The following ETV6 variants were observed in gnomAD, a reference collection of about 807,000 sequenced individuals.
The protein encoded by ETV6 is ETS variant transcription factor 6.
A neutral mutation model predicts 51.1 loss-of-function variants in ETV6; 16 were observed. The ratio of observed to expected loss-of-function variants is 0.31; its 90% CI spans 0.21 to 0.48. The LOEUF (loss-of-function observed/expected upper bound fraction) is 0.48. Ranked by LOEUF, ETV6 falls within the 20% of genes least tolerant of loss-of-function variation. The pLI is 0.99. For synonymous variants in ETV6, 240 were observed against 224.1 expected (o/e 1.07, Z -0.64); for missense variants, 458 against 594.8 (o/e 0.77, Z 2.39).
At chr12:11,672,915 A>AG (rs1864346943) in intron 1 of ETV6, among the ~76,000 whole-genome samples, 1 of 152,228 alleles carries the variant, frequency 6.6e-6, no homozygotes, top group Non-Finnish European at 1.5e-5. Flanking sequence ...ACCCTGAATT[A>AG]GCCAAGAGCA....
chr12:11,683,907 T>TTC (rs1864579898), intron 1 of ETV6, among the ~76,000 whole-genome samples: 3 of 152,174 alleles, frequency 2.0e-5, no homozygotes, highest in East Asian at 1.9e-4. Flanking sequence ...CTTTTTTTTT[T>TTC]CTCTCCAAGA....
intron 3 of ETV6, among the ~76,000 whole-genome samples, 178 bp from the exon 4 acceptor site, chr12:11,853,249 A>C (rs987702373): frequency 1.3e-5 from 2 of 152,166 alleles, no homozygotes; most frequent in African/African-American, 4.8e-5. Context: ...CATCGCTCTG[A>C]CCTTTTGAGT....
chr12:11,757,587 C>T (rs751401685), intron 2 of ETV6, among the ~76,000 whole-genome samples: 2 of 152,196 alleles, frequency 1.3e-5, no homozygotes, highest in Non-Finnish European at 2.9e-5. Flanking sequence ...ACCGTGTCTC[C>T]GATAGGTCAA....
At chr12:11,878,995 G>A (rs1276811228) in intron 5 of ETV6, among the ~76,000 whole-genome samples, 1 of 152,046 alleles carries the variant, frequency 6.6e-6, no homozygotes, top group Non-Finnish European at 1.5e-5. Flanking sequence ...CCCACTAGAT[G>A]CTAGGAGCAC....
At chr12:11,755,494 C>T (rs1944994547) in intron 2 of ETV6, among the ~76,000 whole-genome samples, 1 of 152,122 alleles carries the variant, frequency 6.6e-6, no homozygotes, top group Admixed American at 6.5e-5. Context: ...TGTTTGCCCT[C>T]AGCTGGGACT....
intron 1 of ETV6, among the ~76,000 whole-genome samples, chr12:11,746,979 C>A (rs773518548): frequency 6.6e-6 from 1 of 151,954 alleles, no homozygotes; most frequent in African/African-American, 2.4e-5. Context: ...AACAGGAATC[C>A]GAATATCTCA....
At chr12:11,746,224 A>G (rs1293623377) in intron 1 of ETV6, among the ~76,000 whole-genome samples, 1 of 152,158 alleles carries the variant, frequency 6.6e-6, no homozygotes, top group Non-Finnish European at 1.5e-5. Context: ...TGTCTCTTGG[A>G]ATTCCCCATT....
chr12:11,664,914 C>A (rs1215194087), intron 1 of ETV6, among the ~76,000 whole-genome samples: 1 of 152,230 alleles, frequency 6.6e-6, no homozygotes, highest in Non-Finnish European at 1.5e-5. Flanking sequence ...CTGTCTCACA[C>A]CACAGTACCA....
Position 11,869,304 on chromosome 12 carries a change from G to A in ETV6, c.464-120G>A. On this transcript the variant is annotated intron_variant, in intron 4 of 7. Coordinates refer to ENST00000396373, the MANE Select transcript of ETV6 (RefSeq NM_001987.5). This position sits in a 1 kb window ranked among gnomAD's most constrained non-coding sequence, Gnocchi z 5.0. Reference sequence around the variant, plus strand: ...CAGTGAAAAAGACACTGCATTCTGGGGAGAAAGGTCCTTTACACATACCTA... The same window carrying A: ...CAGTGAAAAAGACACTGCATTCTGGAGAGAAAGGTCCTTTACACATACCTA... The A allele has an allele frequency of 1.2e-6, 1 of 835,262 alleles. No individual in the cohort carries two copies. The highest frequency in any genetic ancestry group is 1.7e-5 in the African/African-American group (1 of 58,828). 51.7% of individuals were successfully genotyped at this position (835,262 alleles called of 1,614,324 possible). A position where few individuals can be genotyped will look rare whatever the true frequency, so the allele number is the denominator to read the frequency against.
chr12:11,650,147 A>G lies in ETV6; in HGVS notation c.20A>G (p.Gln7Arg). The part of the protein sequence containing the change: MSETPA[Q>R]CSIKQERISY... ...TGAGACATGTCTGAGACTCCTGCTC[A>G]GTGTAGCATTAAGGTAAAAATCTTC... Residue 7 changes from glutamine (Q) to arginine (R), a missense_variant, in exon 1 of 8, where the codon CAG becomes CGG. By Grantham distance (43) the Gln-to-Arg change is conservative (BLOSUM62 1). Transcript: ENST00000396373. 6.2e-7 allele frequency: 1 copy of G among 1,613,762 alleles called. No homozygotes were observed. Among genetic ancestry groups the G allele is most frequent in the Middle Eastern group, 1.7e-4 (1 of 6,052 alleles).
intron 4 of ETV6, among the ~76,000 whole-genome samples, chr12:11,866,579 A>G (rs897942135): frequency 3.9e-5 from 6 of 152,046 alleles, no homozygotes; most frequent in Non-Finnish European, 7.4e-5. Flanking sequence ...ATCTGTTTCT[A>G]TTTTGCCTTT....
intron 1 of ETV6, among the ~76,000 whole-genome samples, chr12:11,748,259 C>A (rs1865944060): frequency 6.6e-6 from 1 of 152,226 alleles, no homozygotes; most frequent in Admixed American, 6.5e-5. Context: ...GACTTTCAAA[C>A]TAGGCTTCAG....
In ETV6 at chr12:11,743,766, C is replaced by T. The variant is rs141490797; in HGVS notation, c.34-8684C>T. On this transcript the variant is annotated intron_variant, in intron 1 of 7. Coordinates refer to ENST00000396373, the MANE Select transcript of ETV6 (RefSeq NM_001987.5). The stretch of plus-strand genomic sequence containing the variant: ...TTTGAAGGAGGTCTGAGTTGCAGCT[C>T]GCTGGGGTTGTGAGTCTGAGCCGTC... Among the ~76,000 whole-genome samples the T allele has an allele frequency of 6.1e-3, 925 of 152,264 alleles. 5 individuals carry two copies. Among genetic ancestry groups the T allele is most frequent in the Middle Eastern group, 0.024 (7 of 294 alleles).
At chr12:11,809,676 A>G (rs1409929060) in intron 2 of ETV6, among the ~76,000 whole-genome samples, 1 of 152,142 alleles carries the variant, frequency 6.6e-6, no homozygotes, top group Non-Finnish European at 1.5e-5. Flanking sequence ...TTTTCGGCTG[A>G]GAGGGATCAA....
intron 1 of ETV6, among the ~76,000 whole-genome samples, chr12:11,751,232 G>A (rs1382966871): frequency 3.9e-5 from 6 of 152,186 alleles, no homozygotes; most frequent in Admixed American, 2.6e-4. Context: ...CGAGGACTCC[G>A]CCGCTTCCCT....
At chr12:11,656,705 A>G (rs766195882) in intron 1 of ETV6, among the ~76,000 whole-genome samples, 37 of 151,992 alleles carry the variant, frequency 2.4e-4, no homozygotes, top group Admixed American at 3.9e-4. Context: ...TCCGGTGCTT[A>G]ATGGCTTCTT....
At chr12:11,751,436 A>G in intron 1 of ETV6, 1 of 519,044 alleles carries the variant, frequency 1.9e-6, no homozygotes, top group Non-Finnish European at 3.8e-6. Context: ...GTTAAACCAC[A>G]GACACTCCTG....
chr12:11,869,422 A>C lies in ETV6; in HGVS notation c.464-2A>C. 1 of 1,602,108 alleles carries C rather than the reference A, an allele frequency of 6.2e-7. No individual in the cohort carries two copies. The highest frequency in any genetic ancestry group is 8.5e-7 in the Non-Finnish European group (1 of 1,173,254). ...GTGATTGTCTTTCCCTCTGCTCCACAGATAACTGTGTCCAGAGGACCCCCA... is the reference window on the plus strand; with the variant it reads ...GTGATTGTCTTTCCCTCTGCTCCACCGATAACTGTGTCCAGAGGACCCCCA... On this transcript the variant is annotated splice_acceptor_variant, in intron 4 of 7. Transcript: ENST00000396373. LOFTEE classifies it high-confidence loss of function. The surrounding 1 kb of genome is among the most constrained non-coding windows in gnomAD (Gnocchi z 5.0).
Position 11,869,506 on chromosome 12 carries a change from C to T in ETV6, c.546C>T (p.Ser182=). ...CCACCATTGAACTGTTGCACCGCTC[C>T]AGGTCACCTATCACGACAAATCACC... ...NPPTIELLHR[S]RSPITTNHRP... is the part of the protein sequence containing the mutation. The change falls in exon 5 of 8, where the codon TCC becomes TCT. Residue 182 remains serine, a synonymous_variant. Transcript: ENST00000396373. This position sits in a 1 kb window ranked among gnomAD's most constrained non-coding sequence, Gnocchi z 5.0. The T allele has an allele frequency of 6.2e-7, 1 of 1,614,146 alleles. No homozygotes were observed. Among genetic ancestry groups the T allele is most frequent in the African/African-American group, 1.3e-5 (1 of 75,020 alleles).
Sources: allele counts gnomAD v4.1 joint callset (sites outside exome capture counted in the v4.1 genomes callset), GRCh38; gene constraint gnomAD v4.1.1; non-coding constraint Gnocchi (gnomAD v3.1); transcripts MANE v1.5; gene names NCBI Gene and HGNC (gene_info 2026-07-23, HGNC 2026-07-21).